Variants in PTPRT observed in about 807,000 individuals in gnomAD.
PTPRT encodes the protein receptor-type tyrosine-protein phosphatase T.
Under a neutral mutation model 176.8 loss-of-function variants are expected in PTPRT, and 56 were observed. That is an observed-to-expected ratio of 0.32 (90% CI 0.26 to 0.40). The LOEUF is 0.40. Among genes scored for constraint, PTPRT ranks in the 10% least tolerant of loss-of-function variants. The pLI, the probability that PTPRT is intolerant of heterozygous loss-of-function variation, is 1.00. For synonymous variants in PTPRT, 783 were observed against 739.0 expected (o/e 1.06, Z -0.96); for missense variants, 1,540 against 1,908.2 (o/e 0.81, Z 3.60).
At chr20:42,725,411 C>G (rs1163328111) in intron 6 of PTPRT, among the ~76,000 whole-genome samples, 1 of 151,938 alleles carries the variant, frequency 6.6e-6, no homozygotes, top group Non-Finnish European at 1.5e-5. Context: ...TTTATCATCT[C>G]AGGTGGGATT....
At chr20:42,391,128 G>A (rs557449302) in intron 9 of PTPRT, among the ~76,000 whole-genome samples, 5 of 152,276 alleles carry the variant, frequency 3.3e-5, no homozygotes, top group South Asian at 2.1e-4. Flanking sequence ...AGAGGAAAGA[G>A]GGAGGAGCGT....
chr20:42,519,620 T>G (rs1010630456), intron 7 of PTPRT, among the ~76,000 whole-genome samples: 1 of 152,014 alleles, frequency 6.6e-6, no homozygotes, highest in African/African-American at 2.4e-5. Flanking sequence ...TCTTTCCAGA[T>G]AGACAGACAG....
chr20:42,372,892 G>A (rs1013581304), intron 9 of PTPRT, among the ~76,000 whole-genome samples: 1 of 152,174 alleles, frequency 6.6e-6, no homozygotes, highest in Non-Finnish European at 1.5e-5. Flanking sequence ...CCAGCCTCCA[G>A]AACTGCAAGA....
At chr20:42,624,909 GCA>G (rs903489074) in intron 7 of PTPRT, among the ~76,000 whole-genome samples, 1 of 152,102 alleles carries the variant, frequency 6.6e-6, no homozygotes, top group African/African-American at 2.4e-5. Context: ...GGCCAGAAGG[GCA>G]CACATCTGTC....
At chr20:42,241,667 T>A (rs2056356348) in intron 14 of PTPRT, among the ~76,000 whole-genome samples, 1 of 152,012 alleles carries the variant, frequency 6.6e-6, no homozygotes, top group South Asian at 2.1e-4. Context: ...GGTGATTAAA[T>A]GTGAATGTAT....
At chr20:42,835,447 G>C (rs1452059907) in intron 2 of PTPRT, among the ~76,000 whole-genome samples, 1 of 152,132 alleles carries the variant, frequency 6.6e-6, no homozygotes, top group Non-Finnish European at 1.5e-5. Flanking sequence ...ATATCCAAAT[G>C]AAATAGAAAA....
At chr20:42,208,864 C>A (rs1269427102) in intron 15 of PTPRT, among the ~76,000 whole-genome samples, 1 of 152,158 alleles carries the variant, frequency 6.6e-6, no homozygotes, top group Non-Finnish European at 1.5e-5. Flanking sequence ...CCACACCACA[C>A]CTATTCCAAA....
At chr20:42,872,998 C>T (rs6072892) in intron 2 of PTPRT, among the ~76,000 whole-genome samples, 3,176 of 152,208 alleles carry the variant, frequency 0.021, 63 homozygotes, top group African/African-American at 0.051. Context: ...CCACACAGAA[C>T]CACAATAATA....
At chr20:42,508,376 G>T (rs545212255) in intron 7 of PTPRT, among the ~76,000 whole-genome samples, 219 of 152,196 alleles carry the variant, frequency 1.4e-3, no homozygotes, top group Non-Finnish European at 2.3e-3. Context: ...AACCAAAGGT[G>T]GGGTCTGAAT....
At chr20:42,428,802 G>GGATTT (rs2059190024) in intron 9 of PTPRT, among the ~76,000 whole-genome samples, 1 of 152,094 alleles carries the variant, frequency 6.6e-6, no homozygotes, top group Non-Finnish European at 1.5e-5. Context: ...AATACTGACA[G>GGATTT]GGCACCCCTC....
At chr20:42,717,647 A>T (rs578204328) in intron 6 of PTPRT, among the ~76,000 whole-genome samples, 1 of 152,210 alleles carries the variant, frequency 6.6e-6, no homozygotes, top group Non-Finnish European at 1.5e-5. Flanking sequence ...TAAATAAAAG[A>T]CTGATAATGG....
At chr20:42,569,081 AATATATATAT>A (rs71335569) in intron 7 of PTPRT, among the ~76,000 whole-genome samples, 579 of 30,808 alleles carry the variant, frequency 0.019, 20 homozygotes, top group African/African-American at 0.035. Context: ...AAAAAAAAAA[AATATATATAT>A]ATATATATAT....
chr20:42,140,480 A>G (rs1600577850), intron 18 of PTPRT, among the ~76,000 whole-genome samples: 1 of 152,198 alleles, frequency 6.6e-6, no homozygotes, highest in African/African-American at 2.4e-5. Context: ...TGTGTTACCT[A>G]TGCATGACAT....
chr20:42,037,686 C>A, the PTPRT span, among the ~76,000 whole-genome samples: 1 of 152,224 alleles, frequency 6.6e-6, no homozygotes, highest in Non-Finnish European at 1.5e-5. Flanking sequence ...GTTCTTCCAT[C>A]CTCACCTGTG....
chr20:43,102,961 G>C (rs573918782), intron 1 of PTPRT, among the ~76,000 whole-genome samples: 2 of 152,286 alleles, frequency 1.3e-5, no homozygotes, highest in East Asian at 1.9e-4. Context: ...AAGGCAAGAG[G>C]AGCATTATAA....
Position 42,845,035 on chromosome 20 carries a change from T to C in PTPRT, c.214+40772A>G, listed in dbSNP as rs78445669. On this transcript the variant is annotated intron_variant, in intron 2 of 30. Coordinates refer to ENST00000373187, the MANE Select transcript of PTPRT (RefSeq NM_007050.6). The stretch of plus-strand genomic sequence containing the variant: ...GACCATCAGATTCAGCTCTCATCCC[T>C]TGTTACTATGAAGGTAAGGATGAAG... Among the ~76,000 whole-genome samples the C allele has an allele frequency of 1.5e-4, 23 of 152,278 alleles. No homozygotes were observed. In the East Asian group the frequency reaches 2.9e-3, roughly 19 times the overall value.
chr20:42,868,858 C>G (rs1267270051), intron 2 of PTPRT, among the ~76,000 whole-genome samples: 1 of 151,988 alleles, frequency 6.6e-6, no homozygotes, highest in Non-Finnish European at 1.5e-5. Flanking sequence ...GAGACCTCAG[C>G]ACTCGCTGCT....
intron 11 of PTPRT, among the ~76,000 whole-genome samples, chr20:42,332,853 A>G (rs1056327608): frequency 5.9e-5 from 9 of 152,358 alleles, no homozygotes; most frequent in East Asian, 5.8e-4. Context: ...TTGATATGGT[A>G]CAACAAGATA....
intron 2 of PTPRT, 149 bp from the exon 3 acceptor site, chr20:42,791,615 C>A (rs1427825273): frequency 1.3e-6 from 1 of 791,176 alleles, no homozygotes; most frequent in African/African-American, 1.7e-5. Flanking sequence ...CTGCAAAAGC[C>A]ACATCTCTCT....
Sources: gnomAD v4.1 joint callset for allele counts (sites outside exome capture counted in the v4.1 genomes callset) on GRCh38, gnomAD v4.1.1 for gene constraint, MANE v1.5 for transcripts, NCBI Gene and HGNC (gene_info 2026-07-23, HGNC 2026-07-21) for gene names.